SNX18: variants seen among roughly 807,000 people sequenced by gnomAD.
The protein encoded by SNX18 is sorting nexin 18, also known as sorting nexin-18.
In SNX18, 35 loss-of-function variants were observed where a neutral mutation model predicts 48.7. The ratio of observed to expected loss-of-function variants is 0.72; its 90% CI spans 0.55 to 0.95. The LOEUF (loss-of-function observed/expected upper bound fraction) is 0.95. Ranked by LOEUF, SNX18 falls within the 40% of genes least tolerant of loss-of-function variation. The pLI is 0.00. For synonymous variants in SNX18, 492 were observed against 384.7 expected, an observed-to-expected ratio of 1.28 and a Z score of -3.26; for missense variants, 824 against 871.0, an observed-to-expected ratio of 0.95 and a Z score of 0.68.
chr5:54,528,890 G>A (rs1293928673), intron 1 of SNX18, among the ~76,000 whole-genome samples: 1 of 152,190 alleles, frequency 6.6e-6, no homozygotes, highest in African/African-American at 2.4e-5. Context: ...CCGCTGAGGG[G>A]ATACAGCAGA....
chr5:54,528,594 AT>A (rs1461418213), intron 1 of SNX18, among the ~76,000 whole-genome samples: 1 of 152,140 alleles, frequency 6.6e-6, no homozygotes, highest in Non-Finnish European at 1.5e-5. Flanking sequence ...GCATACAGTA[AT>A]TGATAAGCAA....
chr5:54,618,642 A>G, the SNX18 span, among the ~76,000 whole-genome samples: 2 of 152,232 alleles, frequency 1.3e-5, no homozygotes, highest in Non-Finnish European at 2.9e-5. Flanking sequence ...TTTGGAGTAG[A>G]AAGTTACTAA....
chr5:54,520,351 G>A (rs1051168277), intron 1 of SNX18: 2 of 169,396 alleles, frequency 1.2e-5, no homozygotes, highest in African/African-American at 4.8e-5. Flanking sequence ...CTTTGCTAAA[G>A]CACCAGAATT....
At chr5:54,589,786 C>T in the SNX18 span, among the ~76,000 whole-genome samples, 1 of 152,130 alleles carries the variant, frequency 6.6e-6, no homozygotes, top group Non-Finnish European at 1.5e-5. Flanking sequence ...AACCAGGGCC[C>T]TGTGATATTG....
At chr5:54,598,641 A>C in the SNX18 span, among the ~76,000 whole-genome samples, 1 of 152,216 alleles carries the variant, frequency 6.6e-6, no homozygotes, top group Non-Finnish European at 1.5e-5. Context: ...CCACATGATT[A>C]TCTCAATAGA....
At chr5:54,576,840 C>T in the SNX18 span, among the ~76,000 whole-genome samples, 98,207 of 151,964 alleles carry the variant, frequency 0.65, 32,820 homozygotes, top group Non-Finnish European at 0.73. Flanking sequence ...CTCACTCTGT[C>T]GCCCAGCCTG....
chr5:54,643,786 G>C, the SNX18 span: 1 of 152,196 alleles, frequency 6.6e-6, no homozygotes, highest in African/African-American at 2.4e-5. Flanking sequence ...TGTGTTCTCT[G>C]TCATTGCCTG....
the SNX18 span, among the ~76,000 whole-genome samples, chr5:54,611,219 A>G: frequency 1.3e-5 from 2 of 152,220 alleles, no homozygotes; most frequent in Non-Finnish European, 2.9e-5. Flanking sequence ...TATATTTTAA[A>G]CATATCACTT....
At chr5:54,617,714 TCC>T in the SNX18 span, among the ~76,000 whole-genome samples, 1 of 152,090 alleles carries the variant, frequency 6.6e-6, no homozygotes, top group African/African-American at 2.4e-5. Context: ...CTCTCTTTTT[TCC>T]CCTCTCTCTT....
downstream of SNX18, among the ~76,000 whole-genome samples, chr5:54,549,274 T>G (rs1349623448): frequency 6.6e-6 from 1 of 152,176 alleles, no homozygotes; most frequent in Non-Finnish European, 1.5e-5. Context: ...ATTTAAATAA[T>G]AAGAACATTG....
rs1761894807 is a variant in SNX18, at chr5:54,517,880, T to C, written c.-73T>C. 5 of 1,406,702 alleles carry C rather than the reference T, an allele frequency of 3.6e-6. No homozygotes were observed. The highest frequency in any genetic ancestry group is 4.6e-6 in the Non-Finnish European group (5 of 1,086,982). The allele number at this position is 1,406,702 out of a possible 1,614,324, so 87.1% of individuals were successfully genotyped here. ...AGTCCGCGCGCCAGGGCTCGAGCAG[T>C]ACCGCGGGCCCCTCAGGTGGGCCTC... On this transcript the variant is annotated 5_prime_UTR_variant, in exon 1 of 2. Transcript: ENST00000381410.
At chr5:54,646,439 G>A in the SNX18 span, among the ~76,000 whole-genome samples, 1 of 152,252 alleles carries the variant, frequency 6.6e-6, no homozygotes, top group Non-Finnish European at 1.5e-5. Context: ...GCCAGTGCCT[G>A]GATCCACAGC....
the SNX18 span, among the ~76,000 whole-genome samples, chr5:54,614,426 AGTAATCT>A: frequency 6.6e-6 from 1 of 152,250 alleles, no homozygotes; most frequent in Non-Finnish European, 1.5e-5. Flanking sequence ...ATCAGTGATT[AGTAATCT>A]GTAATTATAG....
At chr5:54,575,497 G>A in the SNX18 span, among the ~76,000 whole-genome samples, 3 of 149,008 alleles carry the variant, frequency 2.0e-5, no homozygotes, top group Admixed American at 1.4e-4. Context: ...TCAGCCTCCC[G>A]AGTAGCTGAG....
the SNX18 span, among the ~76,000 whole-genome samples, chr5:54,562,106 C>A: frequency 6.6e-6 from 1 of 152,014 alleles, no homozygotes; most frequent in Admixed American, 6.5e-5. Context: ...AATGGGATTC[C>A]CTGCTAAGTG....
At chr5:54,525,399 G>A (rs975393043) in intron 1 of SNX18, among the ~76,000 whole-genome samples, 1 of 151,880 alleles carries the variant, frequency 6.6e-6, no homozygotes, top group Non-Finnish European at 1.5e-5. Context: ...AAAAATTAAG[G>A]GCGCTCTCCT....
At chr5:54,539,402 G>A (rs998133493) in intron 1 of SNX18, among the ~76,000 whole-genome samples, 1 of 152,210 alleles carries the variant, frequency 6.6e-6, no homozygotes, top group Non-Finnish European at 1.5e-5. Context: ...CCTAGCATAT[G>A]TTATTACTAT....
Position 54,543,442 on chromosome 5 carries a change from G to C in SNX18, c.*10G>C, listed in dbSNP as rs766984723. On this transcript the variant is annotated 3_prime_UTR_variant, in exon 2 of 2. Coordinates refer to ENST00000381410, the MANE Select transcript of SNX18 (RefSeq NM_001102575.2). ...ATATGATAGTGTTTAATGACTGGAC[G>C]TTGGATTATGGACTTTTTCAGTTCA... 1 of 1,610,546 alleles carries C rather than the reference G, an allele frequency of 6.2e-7. No homozygotes were observed. Among genetic ancestry groups the C allele is most frequent in the South Asian group, 1.1e-5 (1 of 90,782 alleles).
At chr5:54,549,227 A>C (rs575416660), downstream of SNX18, among the ~76,000 whole-genome samples, 1 of 152,186 alleles carries the variant, frequency 6.6e-6, no homozygotes, top group Admixed American at 6.5e-5. Flanking sequence ...TAGAGTAAAG[A>C]CCCTCTGTGG....
Sources: allele counts gnomAD v4.1 joint callset (sites outside exome capture counted in the v4.1 genomes callset), GRCh38; gene constraint gnomAD v4.1.1; transcripts MANE v1.5; gene names NCBI Gene and HGNC (gene_info 2026-07-23, HGNC 2026-07-21).